CCDC102B: variants seen among roughly 807,000 people sequenced by gnomAD.
CCDC102B encodes the protein coiled-coil domain-containing protein 102B.
A neutral mutation model predicts 57.4 loss-of-function variants in CCDC102B; 75 were observed. That is an observed-to-expected ratio of 1.31 (90% CI 1.08 to 1.58). The LOEUF (loss-of-function observed/expected upper bound fraction) is 1.58. CCDC102B is among the 40% of genes most tolerant of loss of function. CCDC102B has a pLI of 0.00. For missense variants in CCDC102B, 636 were observed against 582.6 expected, an observed-to-expected ratio of 1.09 and a Z score of -0.94; for synonymous variants, 206 against 201.9, an observed-to-expected ratio of 1.02 and a Z score of -0.17.
At chr18:68,998,995 TATATAGAGAGAGAGAG>T (rs1273919700) in intron 6 of CCDC102B, among the ~76,000 whole-genome samples, 479 of 42,466 alleles carry the variant, frequency 0.011, 3 homozygotes, top group Middle Eastern at 0.044. Context: ...TATATATATA[TATATAGAGAGAGAGAG>T]AGAGAGAGAG....
chr18:69,043,824 C>G (rs1304761084), intron 7 of CCDC102B, among the ~76,000 whole-genome samples: 1 of 152,008 alleles, frequency 6.6e-6, no homozygotes, highest in Non-Finnish European at 1.5e-5. Context: ...CCCCACAGTT[C>G]CTATCCCTAA....
intron 7 of CCDC102B, 37 bp from the exon 8 acceptor site, chr18:69,053,993 T>A (rs778396838): frequency 1.9e-5 from 30 of 1,555,654 alleles, no homozygotes; most frequent in African/African-American, 2.8e-5. Context: ...TATAGAACAC[T>A]TGAACCTAAC....
intron 7 of CCDC102B, among the ~76,000 whole-genome samples, chr18:69,043,244 G>A (rs2052476078): frequency 6.6e-6 from 1 of 152,140 alleles, no homozygotes; most frequent in Non-Finnish European, 1.5e-5. Context: ...GCCCTAAGGA[G>A]GTTTTTCCCT....
At chr18:68,924,995 C>T (rs866644196) in intron 6 of CCDC102B, among the ~76,000 whole-genome samples, 72 of 152,100 alleles carry the variant, frequency 4.7e-4, no homozygotes, top group African/African-American at 1.6e-3. Context: ...CCAGCTGACA[C>T]TAATGCTGCT....
chr18:68,786,569 A>G (rs2035220744), intron 2 of CCDC102B, among the ~76,000 whole-genome samples: 1 of 141,040 alleles, frequency 7.1e-6, no homozygotes, highest in South Asian at 2.4e-4. Context: ...ATTCCTAGGT[A>G]TTTTATTCTC....
intron 7 of CCDC102B, among the ~76,000 whole-genome samples, chr18:69,038,480 C>T (rs1050056914): frequency 1.3e-5 from 2 of 151,794 alleles, no homozygotes; most frequent in African/African-American, 2.4e-5. Flanking sequence ...TTCATATTAC[C>T]ACCATTCTCA....
chr18:68,855,762 T>C (rs1421035525), intron 4 of CCDC102B, among the ~76,000 whole-genome samples: 1 of 152,196 alleles, frequency 6.6e-6, no homozygotes, highest in Non-Finnish European at 1.5e-5. Flanking sequence ...TAATCTGCTA[T>C]GATAGCACTT....
chr18:68,847,128 AT>A (rs2037904038), intron 4 of CCDC102B, among the ~76,000 whole-genome samples: 1 of 151,770 alleles, frequency 6.6e-6, no homozygotes, highest in Admixed American at 6.6e-5. Context: ...AATAATGACT[AT>A]TTTTACATGA....
chr18:68,828,490 A>C (rs2037005820), intron 1 of CCDC102B, among the ~76,000 whole-genome samples: 1 of 151,888 alleles, frequency 6.6e-6, no homozygotes, highest in South Asian at 2.1e-4. Context: ...TAAATAATTC[A>C]TGGTTCAATG....
chr18:68,958,168 G>T (rs191775529), intron 6 of CCDC102B, among the ~76,000 whole-genome samples: 1 of 152,098 alleles, frequency 6.6e-6, no homozygotes, highest in Non-Finnish European at 1.5e-5. Context: ...GGAAAGACCT[G>T]CCCTGGTGAT....
Position 68,910,963 on chromosome 18 carries a change from A to G in CCDC102B, c.1263+13535A>G, listed in dbSNP as rs1474169345. ...GATGATGGTGAGGTTGTGAAATAAAAGGAATGCTTATACACTGTTGGTGGG... is the reference window on the plus strand; with the variant it reads ...GATGATGGTGAGGTTGTGAAATAAAGGGAATGCTTATACACTGTTGGTGGG... On this transcript the variant is annotated intron_variant, in intron 6 of 7. Coordinates refer to ENST00000360242, the MANE Select transcript of CCDC102B (RefSeq NM_024781.3). Among the ~76,000 whole-genome samples the G allele has an allele frequency of 2.6e-5, 4 of 152,004 alleles. No individual in the cohort carries two copies. In the East Asian group the frequency reaches 7.7e-4, roughly 29 times the overall value.
intron 6 of CCDC102B, among the ~76,000 whole-genome samples, chr18:68,923,575 G>A (rs957061967): frequency 2.8e-4 from 42 of 152,134 alleles, no homozygotes; most frequent in Middle Eastern, 3.4e-3. Flanking sequence ...CCCCCATTTT[G>A]TAGATGAGAC....
chr18:68,934,689 C>T (rs1353455113), intron 6 of CCDC102B, among the ~76,000 whole-genome samples: 1 of 151,860 alleles, frequency 6.6e-6, no homozygotes, highest in Non-Finnish European at 1.5e-5. Flanking sequence ...TTAGAAGTCA[C>T]ATGACAATAG....
chr18:69,003,136 T>C (rs1405901396), intron 6 of CCDC102B, among the ~76,000 whole-genome samples: 1 of 152,210 alleles, frequency 6.6e-6, no homozygotes, highest in Non-Finnish European at 1.5e-5. Context: ...TTTAGGTCTA[T>C]ATAACTCCGG....
At chr18:68,930,138 C>T (rs899854225) in intron 6 of CCDC102B, among the ~76,000 whole-genome samples, 2 of 150,754 alleles carry the variant, frequency 1.3e-5, no homozygotes, top group African/African-American at 4.9e-5. Context: ...CTGTGAAGGG[C>T]CCAGATACTT....
At chr18:68,856,225 T>C (rs997364477) in intron 4 of CCDC102B, among the ~76,000 whole-genome samples, 3 of 152,176 alleles carry the variant, frequency 2.0e-5, no homozygotes, top group African/African-American at 7.2e-5. Flanking sequence ...ATAAATTATG[T>C]TAATTCTTTT....
intron 5 of CCDC102B, among the ~76,000 whole-genome samples, chr18:68,896,278 A>G (rs990164476): frequency 1.3e-5 from 2 of 152,110 alleles, no homozygotes; most frequent in African/African-American, 2.4e-5. Flanking sequence ...AATACATTTG[A>G]TATTGCCTCT....
chr18:68,723,078 T>A (rs1475945204), intron 2 of CCDC102B, among the ~76,000 whole-genome samples: 1 of 152,032 alleles, frequency 6.6e-6, no homozygotes, highest in African/African-American at 2.4e-5. Flanking sequence ...CTTACAATCA[T>A]GGTGGAAGGC....
At chr18:68,945,356 C>A (rs1374853863) in intron 6 of CCDC102B, among the ~76,000 whole-genome samples, 2 of 151,874 alleles carry the variant, frequency 1.3e-5, no homozygotes, top group Admixed American at 6.6e-5. Flanking sequence ...TCAGTGTAAC[C>A]AAATGCAAAC....
Sources: gnomAD v4.1 joint callset for allele counts (sites outside exome capture counted in the v4.1 genomes callset) on GRCh38, gnomAD v4.1.1 for gene constraint, MANE v1.5 for transcripts, NCBI Gene and HGNC (gene_info 2026-07-23, HGNC 2026-07-21) for gene names.